TLN2: variants seen among roughly 807,000 people sequenced by gnomAD.
TLN2 encodes talin 2.
Under a neutral mutation model 294.7 loss-of-function variants are expected in TLN2, and 118 were observed. The ratio of observed to expected loss-of-function variants is 0.40; its 90% CI spans 0.34 to 0.47. The LOEUF is 0.47. Ranked by LOEUF, TLN2 falls within the 20% of genes least tolerant of loss-of-function variation. The probability of loss-of-function intolerance (pLI) is 0.84; values close to 1 mark genes in which losing one functional copy is unlikely to be tolerated. For synonymous variants in TLN2, 1,431 were observed against 1,304.5 expected, an observed-to-expected ratio of 1.10 and a Z score of -2.09; for missense variants, 3,083 against 3,282.2, an observed-to-expected ratio of 0.94 and a Z score of 1.48.
intron 1 of TLN2, among the ~76,000 whole-genome samples, chr15:62,587,904 G>A (rs1391230177): frequency 3.3e-5 from 5 of 151,472 alleles, no homozygotes; most frequent in African/African-American, 9.7e-5. Context: ...TTTTGGAGAC[G>A]GAGTCTCACT....
At position 62,820,587 on chromosome 15, in the gene TLN2, C is replaced by T. The variant is rs1567676681; in HGVS notation, c.6979C>T (p.Leu2327=). 1 of 1,613,770 alleles carries T rather than the reference C, an allele frequency of 6.2e-7. No homozygotes were observed. The highest frequency in any genetic ancestry group is 8.5e-7 in the Non-Finnish European group (1 of 1,179,846). ...AGCTGCTGCTAAGAAGTTAGAGCAA[C>T]TGAAGCCAAGAGCAAAACCAAAAGT... ...IEAAAKKLEQ[L]KPRAKPKQAD... The change falls in exon 54 of 59, where the codon CTG becomes TTG. Residue 2327 remains leucine, a synonymous_variant. Coordinates refer to ENST00000636159, the MANE Select transcript of TLN2 (RefSeq NM_015059.3).
rs113215730 is a variant in TLN2, at chr15:62,485,189, A to G, written c.-238+94504A>G. 2.5e-3 allele frequency among the ~76,000 whole-genome samples: 380 copies of G among 152,296 alleles called. 2 individuals are homozygous for G. The highest frequency in any genetic ancestry group is 3.5e-3 in the Non-Finnish European group (238 of 68,020). On this transcript the variant is annotated intron_variant, in intron 1 of 58. Coordinates refer to ENST00000636159, the MANE Select transcript of TLN2 (RefSeq NM_015059.3). ...CCTACCTTGGGCACCTAGATTGTCCAGGATAATCTCTCCATCTCAAAGTCT... is the reference window on the plus strand; with the variant it reads ...CCTACCTTGGGCACCTAGATTGTCCGGGATAATCTCTCCATCTCAAAGTCT...
intron 3 of TLN2, among the ~76,000 whole-genome samples, chr15:62,630,952 G>A (rs2049749313): frequency 6.6e-6 from 1 of 152,100 alleles, no homozygotes; most frequent in Non-Finnish European, 1.5e-5. Flanking sequence ...ATTTCTAGAT[G>A]TCTTTCGAAA....
intron 9 of TLN2, among the ~76,000 whole-genome samples, chr15:62,661,445 A>G (rs549410660): frequency 6.6e-6 from 1 of 152,326 alleles, no homozygotes; most frequent in Admixed American, 6.5e-5. Flanking sequence ...AAAACAAACA[A>G]GAAATAACCT....
chr15:62,735,918 C>G (rs905774435), intron 28 of TLN2, among the ~76,000 whole-genome samples: 1 of 152,094 alleles, frequency 6.6e-6, no homozygotes, highest in Non-Finnish European at 1.5e-5. Context: ...GAATGAACTG[C>G]CAGACATCAC....
intron 1 of TLN2, among the ~76,000 whole-genome samples, chr15:62,543,656 G>A (rs1029634675): frequency 1.5e-4 from 23 of 151,638 alleles, no homozygotes; most frequent in African/African-American, 4.9e-4. Flanking sequence ...TGGGGAGGCT[G>A]AGGCAGAAGA....
At chr15:62,404,416 C>T (rs774158678) in intron 1 of TLN2, among the ~76,000 whole-genome samples, 1 of 152,186 alleles carries the variant, frequency 6.6e-6, no homozygotes, top group Admixed American at 6.5e-5. Flanking sequence ...GTGAATCACT[C>T]ATCCCCAGAG....
intron 54 of TLN2, chr15:62,831,302 A>G: frequency 6.6e-6 from 1 of 152,146 alleles, no homozygotes; most frequent in South Asian, 2.1e-4. Flanking sequence ...AGGAGCCGCC[A>G]TGAAGAGCTC....
At chr15:62,664,097 C>T (rs766996153) in intron 9 of TLN2, among the ~76,000 whole-genome samples, 1 of 151,766 alleles carries the variant, frequency 6.6e-6, no homozygotes, top group Non-Finnish European at 1.5e-5. Context: ...GATAAATTTA[C>T]CTTTATTAAA....
chr15:62,423,511 C>G (rs2034533375), intron 1 of TLN2, among the ~76,000 whole-genome samples: 1 of 152,278 alleles, frequency 6.6e-6, no homozygotes, highest in South Asian at 2.1e-4. Context: ...CATATGGTCA[C>G]CCGAAACCAC....
chr15:62,658,240 G>C (rs1332228413), intron 9 of TLN2: 1 of 213,784 alleles, frequency 4.7e-6, no homozygotes, highest in African/African-American at 2.4e-5. Flanking sequence ...TGGGGGTTGT[G>C]GGGAGGACAT....
intron 2 of TLN2, among the ~76,000 whole-genome samples, chr15:62,606,031 G>A (rs2047408435): frequency 6.6e-6 from 1 of 152,162 alleles, no homozygotes; most frequent in African/African-American, 2.4e-5. Context: ...GATAGTGCTA[G>A]TGATGACTGA....
chr15:62,813,005 C>T (rs2066812984), intron 52 of TLN2, among the ~76,000 whole-genome samples: 1 of 152,160 alleles, frequency 6.6e-6, no homozygotes, highest in South Asian at 2.1e-4. Context: ...CACTTACTGA[C>T]GGGAGACCCA....
chr15:62,544,236 T>G (rs2041862709), intron 1 of TLN2, among the ~76,000 whole-genome samples: 2 of 152,200 alleles, frequency 1.3e-5, no homozygotes, highest in African/African-American at 2.4e-5. Flanking sequence ...GGTTCTTCCC[T>G]GTAATAGGTG....
intron 41 of TLN2, 73 bp downstream of exon 41, chr15:62,766,495 G>C: frequency 7.0e-7 from 1 of 1,419,488 alleles, no homozygotes. Flanking sequence ...TGACTTTACT[G>C]TTATCATTCC....
intron 1 of TLN2, among the ~76,000 whole-genome samples, chr15:62,492,097 ATTT>A: frequency 6.6e-6 from 1 of 151,894 alleles, no homozygotes; most frequent in Non-Finnish European, 1.5e-5. Context: ...TTGATAACTT[ATTT>A]ATTATATAAA....
chr15:62,783,403 G>A (rs1308836397), intron 44 of TLN2, among the ~76,000 whole-genome samples: 1 of 152,166 alleles, frequency 6.6e-6, no homozygotes, highest in Non-Finnish European at 1.5e-5. Flanking sequence ...AATTCCTCTG[G>A]TGACCCCCCA....
Position 62,591,977 on chromosome 15 carries a change from A to T in TLN2, c.-162+2215A>T, listed in dbSNP as rs1456494130. Among the ~76,000 whole-genome samples, 3 of 152,062 alleles carry T rather than the reference A, an allele frequency of 2.0e-5. No homozygotes were observed. The East Asian group carries it at 5.8e-4, about 29-fold the overall frequency. ...GCACAGTGGCCGGGAAACACATCAG[A>T]TCTATGCCGTTACCAAGACTTCAGA... On this transcript the variant is annotated intron_variant, in intron 2 of 58. Coordinates refer to ENST00000636159, the MANE Select transcript of TLN2 (RefSeq NM_015059.3).
intron 1 of TLN2, among the ~76,000 whole-genome samples, chr15:62,569,521 GTCT>G: frequency 6.6e-6 from 1 of 152,310 alleles, no homozygotes; most frequent in South Asian, 2.1e-4. Flanking sequence ...TGCTAGGATG[GTCT>G]TCTCAGGCAC....
Sources: allele counts gnomAD v4.1 joint callset (sites outside exome capture counted in the v4.1 genomes callset), GRCh38; gene constraint gnomAD v4.1.1; transcripts MANE v1.5; gene names NCBI Gene and HGNC (gene_info 2026-07-23, HGNC 2026-07-21).